The following PKD1 variants were observed in gnomAD, a reference collection of about 807,000 sequenced individuals.
The protein encoded by PKD1 is polycystin 1, transient receptor potential channel interacting, also known as polycystin-1.
Under a neutral mutation model 361.7 loss-of-function variants are expected in PKD1, and 81 were observed. That is an observed-to-expected ratio of 0.22 (90% CI 0.19 to 0.27). The LOEUF (loss-of-function observed/expected upper bound fraction) is 0.27, where lower values mean the gene tolerates loss of function less well. Among genes scored for constraint, PKD1 ranks in the 10% least tolerant of loss-of-function variants. The probability of loss-of-function intolerance (pLI) is 1.00; values close to 1 mark genes in which losing one functional copy is unlikely to be tolerated. For missense variants in PKD1, 6,399 were observed against 6,118.3 expected (o/e 1.05, Z -1.53); for synonymous variants, 3,615 against 2,818.3 (o/e 1.28, Z -8.95).
rs201970421 is a variant in PKD1, at chr16:2,090,266, C to T, written c.12444+19G>A. The T allele has an allele frequency of 9.5e-5, 152 of 1,608,204 alleles. 1 individual carries two copies. The highest frequency in any genetic ancestry group is 1.2e-4 in the Admixed American group (7 of 59,648). Reference sequence around the variant, plus strand: ...GAGCCCAGGGCGTGTCCCTCTCCCCCCCACTGGGCCGTACCCACCTCCTTG... The same window carrying T: ...GAGCCCAGGGCGTGTCCCTCTCCCCTCCACTGGGCCGTACCCACCTCCTTG... On this transcript the variant is annotated intron_variant, in intron 45 of 45. Coordinates refer to ENST00000262304, the MANE Select transcript of PKD1 (RefSeq NM_001009944.3).
chr16:2,113,945 GAC>G (rs2092583711), intron 11 of PKD1: 1 of 595,852 alleles, frequency 1.7e-6, no homozygotes, highest in African/African-American at 1.9e-5. Flanking sequence ...TGTGAAATGA[GAC>G]AGTGGAATGA....
intron 37 of PKD1, 135 bp from the exon 38 acceptor site, chr16:2,093,228 C>CT (rs1273188000): frequency 1.3e-5 from 14 of 1,063,690 alleles, no homozygotes; most frequent in Admixed American, 7.4e-5. Context: ...CCCCAAGACT[C>CT]TACCTGGCCA....
chr16:2,089,326 A>C lies in PKD1; in HGVS notation c.*401T>G. The C allele has an allele frequency of 3.3e-6, 1 of 299,016 alleles. No homozygotes were observed. The highest frequency in any genetic ancestry group is 6.3e-6 in the Non-Finnish European group (1 of 158,030). The allele number at this position is 299,016 out of a possible 1,614,324, so 18.5% of individuals were successfully genotyped here. On this transcript the variant is annotated 3_prime_UTR_variant, in exon 46 of 46. Transcript: ENST00000262304. ...AGACGGTGCAGGGAGTACGGTAGGA[A>C]CTGGAGAGGTAATAACTTAGGGGCA...
rs1430221374 is a variant in PKD1 at position 2,103,315 on chromosome 16, G to A, written c.8742C>T (p.Ser2914=). The part of the protein sequence containing the change: ...SVGAVVTLDS[S]NPAAGLHLQL... ...GCAGATGCAGCCCGGCCGCAGGGTT[G>A]CTGCTGTCCAGGGTGACCACAGCAC... Residue 2914 remains serine, a synonymous_variant, in exon 23 of 46, where the codon AGC becomes AGT. Coordinates refer to ENST00000262304, the MANE Select transcript of PKD1 (RefSeq NM_001009944.3). The A allele has an allele frequency of 6.2e-7, 1 of 1,608,276 alleles. No individual in the cohort carries two copies. The highest frequency in any genetic ancestry group is 1.1e-5 in the South Asian group (1 of 90,982).
chr16:2,106,950 TG>T lies in PKD1; in HGVS notation c.7066-3del. On this transcript the variant is annotated splice_region_variant and splice_polypyrimidine_tract_variant and intron_variant, in intron 16 of 45. Transcript: ENST00000262304. The surrounding 1 kb of genome is among the most constrained non-coding windows in gnomAD (Gnocchi z 6.5). The stretch of plus-strand genomic sequence containing the variant: ...CACCCGGCCACTCCGGATCAGCACC[TG>T]GCGTGGGAGTGGGGTTACCTCCAAC... The T allele has an allele frequency of 1.3e-6, 2 of 1,586,306 alleles. No individual in the cohort carries two copies. The highest frequency in any genetic ancestry group is 1.7e-6 in the Non-Finnish European group (2 of 1,172,268).
Position 2,089,442 on chromosome 16 carries a change from G to C in PKD1, c.*285C>G. The C allele has an allele frequency of 2.0e-6, 1 of 506,718 alleles. No individual in the cohort carries two copies. Among genetic ancestry groups the C allele is most frequent in the Non-Finnish European group, 3.6e-6 (1 of 280,224 alleles). 31.4% of individuals were successfully genotyped at this position (506,718 alleles called of 1,614,324 possible). A position where few individuals can be genotyped will look rare whatever the true frequency, so the allele number is the denominator to read the frequency against. The stretch of plus-strand genomic sequence containing the variant: ...CAGGGGGTGGGGCCGGGCACAGCCC[G>C]CTGTACCTGAGGACTCGGGGAAATA... On this transcript the variant is annotated 3_prime_UTR_variant, in exon 46 of 46. Transcript: ENST00000262304.
At chr16:2,097,633 C>A in intron 32 of PKD1, 95 bp downstream of exon 32, 1 of 1,610,522 alleles carries the variant, frequency 6.2e-7, no homozygotes, top group Non-Finnish European at 8.5e-7. Flanking sequence ...CACATGGAGC[C>A]ACAGACACCC....
chr16:2,108,117 G>C, intron 15 of PKD1, 85 bp from the exon 16 acceptor site: 2 of 1,522,968 alleles, frequency 1.3e-6, no homozygotes, highest in Non-Finnish European at 1.8e-6. Flanking sequence ...CAGCGCGGGA[G>C]ACCCCCTCCC....
Position 2,091,117 on chromosome 16 carries a change from T to C in PKD1, c.11770A>G (p.Arg3924Gly). The C allele has an allele frequency of 6.7e-7, 1 of 1,491,966 alleles. No homozygotes were observed. Among genetic ancestry groups the C allele is most frequent in the African/African-American group, 1.5e-5 (1 of 68,776 alleles). 92.4% of individuals were successfully genotyped at this position (1,491,966 alleles called of 1,614,324 possible). A position where few individuals can be genotyped will look rare whatever the true frequency, so the allele number is the denominator to read the frequency against. ...CGCAGCACGCGCCAGCGCCCTTCCC[T>C]GTGCCAAGTACGGGCCTCGGCCACG... Reference protein sequence around the residue: ...FAVAEARTWHREGRWRVLRLG... With the variant: ...FAVAEARTWHGEGRWRVLRLG... Residue 3924 changes from arginine to glycine, a missense_variant, in exon 43 of 46, where the codon AGG becomes GGG. Arg to Gly is a moderately radical substitution (Grantham distance 125). Transcript: ENST00000262304.
intron 16 of PKD1, 196 bp from the exon 17 acceptor site, chr16:2,107,144 C>A: frequency 1.5e-6 from 1 of 658,602 alleles, no homozygotes; most frequent in South Asian, 1.7e-5. Context: ...ATACACAGGG[C>A]AGAGGACACT....
rs1240364726 is a variant in PKD1 at position 2,110,214 on chromosome 16, C to T, written c.4953G>A (p.Gln1651=). 6.2e-7 allele frequency: 1 copy of T among 1,611,932 alleles called. No individual in the cohort carries two copies. Among genetic ancestry groups the T allele is most frequent in the Non-Finnish European group, 8.5e-7 (1 of 1,179,802 alleles). Residue 1651 remains glutamine, a synonymous_variant, in exon 15 of 46, where the codon CAG becomes CAA. Coordinates refer to ENST00000262304, the MANE Select transcript of PKD1 (RefSeq NM_001009944.3). ...GRYFPTNHTV[Q]LQAVVRDGTN... is the part of the protein sequence containing the mutation. ...TGCCATCCCTAACCACGGCCTGCAG[C>T]TGTACCGTGTGGTTGGTGGGGAAGT...
At chr16:2,125,973 A>C (rs1181405666) in intron 1 of PKD1, among the ~76,000 whole-genome samples, 4 of 151,856 alleles carry the variant, frequency 2.6e-5, no homozygotes, top group Admixed American at 2.6e-4. Context: ...CCAGTGTGTC[A>C]ATGGAGGAAG....
At chr16:2,126,341 G>C (rs1020824369) in intron 1 of PKD1, among the ~76,000 whole-genome samples, 5 of 152,266 alleles carry the variant, frequency 3.3e-5, no homozygotes, top group African/African-American at 1.2e-4. Flanking sequence ...CCTCACAGAA[G>C]CCAGCCTGTC....
intron 1 of PKD1, among the ~76,000 whole-genome samples, chr16:2,122,141 G>A (rs1004785051): frequency 2.0e-4 from 30 of 152,382 alleles, no homozygotes; most frequent in African/African-American, 4.8e-4. Flanking sequence ...CAGAGCAGCC[G>A]AGGCCTTCTC....
chr16:2,123,410 C>T (rs2092752573), intron 1 of PKD1: 2 of 455,720 alleles, frequency 4.4e-6, no homozygotes, highest in Non-Finnish European at 8.8e-6. Context: ...GGGCAGGACT[C>T]AGGTGTGGGC....
chr16:2,093,052 C>T lies in PKD1; in HGVS notation c.11058G>A (p.Leu3686=), dbSNP rs749136085. The part of the protein sequence containing the change: ...VYMLFLLVTL[L]ASYGDASCHG... ...GGCATGAGGCATCCCCATAGCTGGC[C>T]AGCAGGGTCACCAGCAGAAAAAGCA... The change falls in exon 38 of 46, where the codon CTG becomes CTA. Residue 3686 remains leucine, a synonymous_variant. Transcript: ENST00000262304. The T allele has an allele frequency of 1.7e-5, 27 of 1,612,712 alleles. No homozygotes were observed. The East Asian group carries it at 6.0e-4, about 36-fold the overall frequency.
chr16:2,091,337 G>GGCGGGGCGCTGCGAGA, intron 42 of PKD1, 86 bp downstream of exon 42: 1 of 607,460 alleles, frequency 1.6e-6, no homozygotes, highest in Non-Finnish European at 2.1e-6. Flanking sequence ...GCGCTGCGAG[G>GGCGGGGCGCTGCGAGA]GGTGAGACGC....
rs765947805 is a variant in PKD1 at position 2,112,890 on chromosome 16, T to C, written c.3059A>G (p.Gln1020Arg). The change falls in exon 13 of 46, where the codon CAG becomes CGG. Residue 1020 changes from glutamine to arginine, a missense_variant. By Grantham distance (43) the Gln-to-Arg change is conservative. Transcript: ENST00000262304. ...CGGCACTGTGGAGACCTGCAGACCCTGCATCCTGTTCATCCGCTCCACGGT... is the reference window on the plus strand; with the variant it reads ...CGGCACTGTGGAGACCTGCAGACCCCGCATCCTGTTCATCCGCTCCACGGT... The part of the protein sequence containing the change: ...NVTVERMNRM[Q>R]GLQVSTVPAV... 2.5e-6 allele frequency: 4 copies of C among 1,607,000 alleles called. No individual in the cohort carries two copies. Among genetic ancestry groups the C allele is most frequent in the Non-Finnish European group, 3.4e-6 (4 of 1,179,742 alleles).
Position 2,106,010 on chromosome 16 carries a change from G to C in PKD1, c.7718C>G (p.Thr2573Ser). 6.2e-7 allele frequency: 1 copy of C among 1,605,712 alleles called. No homozygotes were observed. Among genetic ancestry groups the C allele is most frequent in the Non-Finnish European group, 8.5e-7 (1 of 1,179,438 alleles). The change falls in exon 20 of 46, where the codon ACC becomes AGC. Residue 2573 changes from threonine to serine, a missense_variant. By Grantham distance (58) the Thr-to-Ser change is moderately conservative (BLOSUM62 1). Coordinates refer to ENST00000262304, the MANE Select transcript of PKD1 (RefSeq NM_001009944.3). The surrounding 1 kb of genome is among the most constrained non-coding windows in gnomAD (Gnocchi z 6.5). Reference sequence around the variant, plus strand: ...TGCGCTGCCGTTGGGCTCTGGGAGGGTGATGGCCAAAGACCTACGAGCAGA... The same window carrying C: ...TGCGCTGCCGTTGGGCTCTGGGAGGCTGATGGCCAAAGACCTACGAGCAGA... The part of the protein sequence containing the change: ...VVALNRSLAI[T>S]LPEPNGSATG...
Sources: allele counts gnomAD v4.1 joint callset (sites outside exome capture counted in the v4.1 genomes callset), GRCh38; gene constraint gnomAD v4.1.1; non-coding constraint Gnocchi (gnomAD v3.1); transcripts MANE v1.5; gene names NCBI Gene and HGNC (gene_info 2026-07-23, HGNC 2026-07-21).